AFF3: variants seen among roughly 807,000 people sequenced by gnomAD.
AFF3 encodes ALF transcription elongation factor 3.
Under a neutral mutation model 129.7 loss-of-function variants are expected in AFF3, and 32 were observed. The ratio of observed to expected loss-of-function variants is 0.25; its 90% CI spans 0.19 to 0.33. AFF3 has a LOEUF of 0.33. AFF3 is among the 10% of genes least tolerant of loss of function. AFF3 has a pLI of 1.00. For synonymous variants in AFF3, 644 were observed against 635.4 expected (o/e 1.01, Z -0.20); for missense variants, 1,373 against 1,592.0 (o/e 0.86, Z 2.34).
intron 1 of AFF3, among the ~76,000 whole-genome samples, chr2:100,142,130 A>C (rs1692911233): frequency 6.6e-6 from 1 of 152,010 alleles, no homozygotes; most frequent in African/African-American, 2.4e-5. Flanking sequence ...CACACTTTTC[A>C]TAAGGCCCCA....
At chr2:99,990,641 T>C (rs1461508389) in intron 7 of AFF3, among the ~76,000 whole-genome samples, 1 of 152,090 alleles carries the variant, frequency 6.6e-6, no homozygotes, top group East Asian at 1.9e-4. Context: ...CACCAGATAA[T>C]GCTACTCAGG....
rs188924355 is a variant in AFF3 at position 99,948,033 on chromosome 2, G to C, written c.873+58599C>G. On this transcript the variant is annotated intron_variant, in intron 7 of 24. Coordinates refer to ENST00000672756, the MANE Select transcript of AFF3 (RefSeq NM_001386135.1). ...AAAGCACTGAATGCTTTTAAGCCAAGAAGGTTGTGACAATTGTATTTAAAA... is the reference window on the plus strand; with the variant it reads ...AAAGCACTGAATGCTTTTAAGCCAACAAGGTTGTGACAATTGTATTTAAAA... Among the ~76,000 whole-genome samples, 143 of 152,250 alleles carry C rather than the reference G, an allele frequency of 9.4e-4. 2 individuals carry two copies. The highest frequency in any genetic ancestry group is 3.3e-3 in the African/African-American group (139 of 41,572).
chr2:99,947,149 G>C (rs1371255847), intron 7 of AFF3, among the ~76,000 whole-genome samples: 1 of 152,118 alleles, frequency 6.6e-6, no homozygotes, highest in African/African-American at 2.4e-5. Flanking sequence ...AAGTCAGAAA[G>C]TGAACATCCA....
chr2:99,833,745 C>T (rs1017786696), intron 8 of AFF3, among the ~76,000 whole-genome samples: 5 of 152,106 alleles, frequency 3.3e-5, no homozygotes, highest in African/African-American at 9.7e-5. Flanking sequence ...CTAAGTATTA[C>T]AGCACTGGAA....
At chr2:99,684,530 A>G (rs921918940) in intron 11 of AFF3, among the ~76,000 whole-genome samples, 11 of 152,220 alleles carry the variant, frequency 7.2e-5, no homozygotes, top group African/African-American at 1.9e-4. Context: ...TCAATGTTCC[A>G]TATTAAAGAA....
intron 8 of AFF3, among the ~76,000 whole-genome samples, chr2:99,762,448 A>G (rs1459027512): frequency 2.0e-5 from 3 of 152,094 alleles, no homozygotes; most frequent in Non-Finnish European, 1.5e-5. Context: ...TAGCAACTAC[A>G]TGCTACTCAG....
chr2:99,854,413 T>C (rs2105885761), intron 7 of AFF3, among the ~76,000 whole-genome samples: 1 of 152,332 alleles, frequency 6.6e-6, no homozygotes, highest in South Asian at 2.1e-4. Flanking sequence ...TCTTCACTGA[T>C]TAGCAATCTC....
chr2:99,650,183 G>T (rs956636001), intron 12 of AFF3, among the ~76,000 whole-genome samples: 5 of 152,324 alleles, frequency 3.3e-5, no homozygotes, highest in African/African-American at 1.2e-4. Context: ...CATAGTTAAT[G>T]ATATTATGAC....
At chr2:99,872,784 CA>C (rs1691981299) in intron 7 of AFF3, among the ~76,000 whole-genome samples, 1 of 152,044 alleles carries the variant, frequency 6.6e-6, no homozygotes, top group Non-Finnish European at 1.5e-5. Flanking sequence ...CATTATACGA[CA>C]TTTAAAAAGC....
chr2:99,971,752 G>C (rs181172334), intron 7 of AFF3, among the ~76,000 whole-genome samples: 2 of 152,224 alleles, frequency 1.3e-5, no homozygotes, highest in African/African-American at 4.8e-5. Context: ...CTCCATTGGG[G>C]AGTCAGGCCC....
chr2:99,672,178 TCACACACACACACACACACACACACACA>T (rs1177303721), intron 12 of AFF3, among the ~76,000 whole-genome samples: 1 of 56,368 alleles, frequency 1.8e-5, no homozygotes, highest in Non-Finnish European at 3.1e-5. Flanking sequence ...AGTTAGCTTC[TCACACACACACACACACACACACACACA>T]CACACACACA....
chr2:99,597,653 G>A (rs939578853), intron 14 of AFF3, among the ~76,000 whole-genome samples: 1 of 152,222 alleles, frequency 6.6e-6, no homozygotes, highest in Non-Finnish European at 1.5e-5. Context: ...TGGAAATGAG[G>A]CAATTGTGGC....
At chr2:99,597,856 G>T (rs1679442728) in intron 14 of AFF3, among the ~76,000 whole-genome samples, 3 of 152,146 alleles carry the variant, frequency 2.0e-5, no homozygotes, top group Admixed American at 6.5e-5. Context: ...CTCCCTAATT[G>T]ATCTTCCCTC....
chr2:99,620,302 T>TA (rs1010963819), intron 13 of AFF3, among the ~76,000 whole-genome samples: 2 of 152,150 alleles, frequency 1.3e-5, no homozygotes, highest in African/African-American at 2.4e-5. Flanking sequence ...CCGTCACTTC[T>TA]AATACCCTTC....
chr2:99,933,936 A>G (rs1674283408), intron 7 of AFF3, among the ~76,000 whole-genome samples: 1 of 152,130 alleles, frequency 6.6e-6, no homozygotes, highest in African/African-American at 2.4e-5. Flanking sequence ...GCCAACCCCA[A>G]CTGAGCACCA....
intron 13 of AFF3, among the ~76,000 whole-genome samples, chr2:99,609,160 G>C: frequency 6.6e-6 from 1 of 151,990 alleles, no homozygotes; most frequent in South Asian, 2.1e-4. Flanking sequence ...TCCATAGACA[G>C]AGCAGTTACC....
chr2:99,947,606 AGATAGAT>A (rs1559000317), intron 7 of AFF3, among the ~76,000 whole-genome samples: 886 of 50,402 alleles, frequency 0.018, 10 homozygotes, highest in African/African-American at 0.033. Flanking sequence ...AAAGAAAGAT[AGATAGAT>A]AGATAGATAG....
chr2:99,565,721 T>C, intron 19 of AFF3, 98 bp from the exon 20 acceptor site: 1 of 1,317,122 alleles, frequency 7.6e-7, no homozygotes, highest in Non-Finnish European at 1.0e-6. Flanking sequence ...AACCCAACTC[T>C]GACTTCTAAA....
intron 22 of AFF3, among the ~76,000 whole-genome samples, chr2:99,556,951 G>C (rs1575339990): frequency 6.6e-6 from 1 of 151,892 alleles, no homozygotes; most frequent in East Asian, 1.9e-4. Context: ...TTGTATCCAA[G>C]TTTCAGTTAT....
Sources: allele counts gnomAD v4.1 joint callset (sites outside exome capture counted in the v4.1 genomes callset), GRCh38; gene constraint gnomAD v4.1.1; transcripts MANE v1.5; gene names NCBI Gene and HGNC (gene_info 2026-07-23, HGNC 2026-07-21).